Variants in CTNND2 observed in about 807,000 individuals in gnomAD.
CTNND2 encodes catenin delta 2.
CTNND2 carries 22 observed loss-of-function variants against 144.4 expected under a neutral mutation model. The ratio of observed to expected loss-of-function variants is 0.15; its 90% CI spans 0.11 to 0.22. The LOEUF is 0.22. Ranked by LOEUF, CTNND2 falls within the 10% of genes least tolerant of loss-of-function variation. The pLI is 1.00. For missense variants in CTNND2, 1,353 were observed against 1,618.8 expected (o/e 0.84, Z 2.82); for synonymous variants, 751 against 695.6 (o/e 1.08, Z -1.25).
intron 1 of CTNND2, among the ~76,000 whole-genome samples, chr5:11,810,855 A>G (rs1290526798): frequency 6.6e-6 from 1 of 151,514 alleles, no homozygotes; most frequent in East Asian, 2.0e-4. Context: ...TCGGCACTTA[A>G]GGGCCTATTT....
At chr5:11,844,007 G>C (rs1044950322) in intron 1 of CTNND2, among the ~76,000 whole-genome samples, 2 of 152,246 alleles carry the variant, frequency 1.3e-5, no homozygotes, top group South Asian at 4.1e-4. Flanking sequence ...AGATTCAAGA[G>C]AATTCAGTCT....
At chr5:11,489,535 A>C (rs2149990765) in intron 3 of CTNND2, among the ~76,000 whole-genome samples, 1 of 152,328 alleles carries the variant, frequency 6.6e-6, no homozygotes, top group South Asian at 2.1e-4. Context: ...GAATAGGAAA[A>C]AACGTGACTA....
intron 8 of CTNND2, among the ~76,000 whole-genome samples, chr5:11,353,451 T>G (rs1755539027): frequency 6.6e-6 from 1 of 152,194 alleles, no homozygotes; most frequent in Non-Finnish European, 1.5e-5. Context: ...AGACTAAAAT[T>G]TAATGTGATA....
chr5:11,622,115 A>T (rs543028216), intron 2 of CTNND2, among the ~76,000 whole-genome samples: 1 of 152,284 alleles, frequency 6.6e-6, no homozygotes, highest in Admixed American at 6.5e-5. Flanking sequence ...AGACAGAAGA[A>T]CATCACCCCA....
At chr5:11,545,137 GAA>G (rs1282540729) in intron 3 of CTNND2, among the ~76,000 whole-genome samples, 5 of 108,484 alleles carry the variant, frequency 4.6e-5, no homozygotes, top group East Asian at 2.7e-4. Context: ...AAAAAAAAAG[GAA>G]AAAAAAAAAA....
chr5:11,402,140 C>T (rs917532408), intron 5 of CTNND2, among the ~76,000 whole-genome samples: 1 of 152,078 alleles, frequency 6.6e-6, no homozygotes, highest in Non-Finnish European at 1.5e-5. Context: ...ACAACAACAA[C>T]AAAACTAATG....
intron 2 of CTNND2, among the ~76,000 whole-genome samples, chr5:11,644,797 G>A (rs1782263453): frequency 6.6e-6 from 1 of 152,052 alleles, no homozygotes; most frequent in Non-Finnish European, 1.5e-5. Flanking sequence ...TTGAACAATT[G>A]ATGCTTGTCA....
At chr5:11,191,088 T>C (rs1373445544) in intron 11 of CTNND2, among the ~76,000 whole-genome samples, 1 of 151,924 alleles carries the variant, frequency 6.6e-6, no homozygotes, top group Admixed American at 6.5e-5. Context: ...GCTGGAAAAA[T>C]GCATTTCTCA....
At chr5:11,354,551 A>C (rs192060198) in intron 8 of CTNND2, among the ~76,000 whole-genome samples, 1 of 152,320 alleles carries the variant, frequency 6.6e-6, no homozygotes, top group Non-Finnish European at 1.5e-5. Flanking sequence ...TTGTCTATAC[A>C]CTTGCAACAT....
At chr5:11,507,110 T>C (rs754148992) in intron 3 of CTNND2, among the ~76,000 whole-genome samples, 17 of 152,188 alleles carry the variant, frequency 1.1e-4, no homozygotes, top group Non-Finnish European at 1.9e-4. Flanking sequence ...AATAGGCTCG[T>C]ACCTGGGACA....
intron 9 of CTNND2, among the ~76,000 whole-genome samples, chr5:11,248,490 CATATA>C (rs1288870955): frequency 2.2e-4 from 34 of 151,984 alleles, no homozygotes; most frequent in African/African-American, 7.7e-4. Flanking sequence ...CATATATACA[CATATA>C]ATATACATGT....
intron 16 of CTNND2, among the ~76,000 whole-genome samples, chr5:11,074,960 C>T (rs1748773718): frequency 6.6e-6 from 1 of 151,418 alleles, no homozygotes; most frequent in Non-Finnish European, 1.5e-5. Context: ...CCACCCCCCA[C>T]CTCCTTAACC....
chr5:11,110,012 TTGA>T (rs528379882), intron 14 of CTNND2, among the ~76,000 whole-genome samples: 85 of 152,314 alleles, frequency 5.6e-4, no homozygotes, highest in African/African-American at 1.9e-3. Flanking sequence ...TGTAAGCTCC[TTGA>T]TGAGATAAAT....
chr5:11,281,478 T>C (rs1257693604), intron 9 of CTNND2, among the ~76,000 whole-genome samples: 3 of 152,212 alleles, frequency 2.0e-5, no homozygotes, highest in Non-Finnish European at 4.4e-5. Flanking sequence ...TGGCAAAAAC[T>C]TGAAAGAGTA....
rs1561313650 is a variant in CTNND2, at chr5:11,384,836, T to C, written c.1006A>G (p.Thr336Ala). The C allele has an allele frequency of 3.7e-6, 6 of 1,612,472 alleles. No homozygotes were observed. The highest frequency in any genetic ancestry group is 5.1e-6 in the Non-Finnish European group (6 of 1,179,544). Residue 336 changes from threonine to alanine, a missense_variant, in exon 7 of 22, where the codon ACC becomes GCC. Physicochemically the swap from Thr to Ala is moderately conservative, Grantham distance 58. Coordinates refer to ENST00000304623, the MANE Select transcript of CTNND2 (RefSeq NM_001332.4). This position sits in a 1 kb window ranked among gnomAD's most constrained non-coding sequence, Gnocchi z 5.2. ...LSPIRVTSPP[T>A]VQSTISSSPI... ...GAGGAGGAGATGGTGGACTGCACGGTGGGGGGCGAGGTCACGCGGATCGGG... is the reference window on the plus strand; with the variant it reads ...GAGGAGGAGATGGTGGACTGCACGGCGGGGGGCGAGGTCACGCGGATCGGG...
At chr5:11,324,191 G>T (rs1752313127) in intron 9 of CTNND2, among the ~76,000 whole-genome samples, 1 of 152,172 alleles carries the variant, frequency 6.6e-6, no homozygotes. Context: ...GGTGAGGGCA[G>T]CAGGGACCCA....
intron 11 of CTNND2, among the ~76,000 whole-genome samples, chr5:11,179,984 T>C (rs1162991049): frequency 1.3e-5 from 2 of 152,216 alleles, no homozygotes; most frequent in East Asian, 1.9e-4. Flanking sequence ...ATGACCTTCA[T>C]TGAGGGATCG....
chr5:11,190,205 T>A (rs1389907747), intron 11 of CTNND2, among the ~76,000 whole-genome samples: 3 of 152,240 alleles, frequency 2.0e-5, no homozygotes, highest in Admixed American at 6.5e-5. Flanking sequence ...GATGTTTCCT[T>A]ACTGCGAATG....
In CTNND2 at chr5:11,447,360, A is replaced by G. The variant is rs575876855; in HGVS notation, c.288-35291T>C. Among the ~76,000 whole-genome samples, 14 of 152,104 alleles carry G rather than the reference A, an allele frequency of 9.2e-5. No individual in the cohort carries two copies. The East Asian group carries it at 2.5e-3, about 27-fold the overall frequency. On this transcript the variant is annotated intron_variant, in intron 3 of 21. Transcript: ENST00000304623. ...CCGTTTACAAAAAAAAAAAAAGACAAACAAACAAACAAAAAACACCTTATC... is the reference window on the plus strand; with the variant it reads ...CCGTTTACAAAAAAAAAAAAAGACAGACAAACAAACAAAAAACACCTTATC...
Sources: gnomAD v4.1 joint callset for allele counts (sites outside exome capture counted in the v4.1 genomes callset) on GRCh38, gnomAD v4.1.1 for gene constraint, Gnocchi (gnomAD v3.1) non-coding constraint, MANE v1.5 for transcripts, NCBI Gene and HGNC (gene_info 2026-07-23, HGNC 2026-07-21) for gene names.